Variants in TGFBR3 observed in about 807,000 individuals in gnomAD.
TGFBR3 encodes transforming growth factor beta receptor 3, also known as transforming growth factor beta receptor type 3.
TGFBR3 carries 46 observed loss-of-function variants against 87.9 expected under a neutral mutation model. The ratio of observed to expected loss-of-function variants is 0.52; its 90% CI spans 0.41 to 0.67. The LOEUF (loss-of-function observed/expected upper bound fraction) is 0.67. Among genes scored for constraint, TGFBR3 ranks in the 30% least tolerant of loss-of-function variants. The pLI, the probability that TGFBR3 is intolerant of heterozygous loss-of-function variation, is 0.00. For synonymous variants in TGFBR3, 381 were observed against 391.6 expected (o/e 0.97, Z 0.32); for missense variants, 866 against 1,041.9 (o/e 0.83, Z 2.32).
chr1:91,800,385 T>C (rs1449059282), intron 2 of TGFBR3, among the ~76,000 whole-genome samples: 2 of 150,388 alleles, frequency 1.3e-5, no homozygotes, highest in Non-Finnish European at 3.0e-5. Context: ...GGTGCACACC[T>C]GTAGTCCCAG....
intron 3 of TGFBR3, among the ~76,000 whole-genome samples, chr1:91,769,899 A>T (rs1674315293): frequency 6.6e-6 from 1 of 152,224 alleles, no homozygotes; most frequent in Non-Finnish European, 1.5e-5. Context: ...TAACTCTGGT[A>T]AAGCAATTTG....
At chr1:91,736,244 CT>C (rs1288793847) in intron 4 of TGFBR3, among the ~76,000 whole-genome samples, 1 of 143,252 alleles carries the variant, frequency 7.0e-6, no homozygotes, top group Non-Finnish European at 1.5e-5. Context: ...TGGTACAGAG[CT>C]ACATGTTCCA....
chr1:91,853,982 C>T (rs1677842498), intron 2 of TGFBR3, among the ~76,000 whole-genome samples: 1 of 152,068 alleles, frequency 6.6e-6, no homozygotes, highest in South Asian at 2.1e-4. Context: ...GCACTCCAGC[C>T]TGGGTGACAC....
chr1:91,888,712 T>C (rs1272489737), upstream of TGFBR3, among the ~76,000 whole-genome samples: 1 of 151,892 alleles, frequency 6.6e-6, no homozygotes, highest in Non-Finnish European at 1.5e-5. Context: ...AAAAATAAAA[T>C]TAAATTAAAT....
intron 13 of TGFBR3, among the ~76,000 whole-genome samples, chr1:91,711,064 G>C (rs1324018241): frequency 6.6e-6 from 1 of 152,034 alleles, no homozygotes; most frequent in Admixed American, 6.6e-5. Context: ...ACCCTTAAAC[G>C]TTACCCTTCT....
At chr1:91,903,564 G>A (rs958775731) in intron 1 of TGFBR3, among the ~76,000 whole-genome samples, 2 of 151,492 alleles carry the variant, frequency 1.3e-5, no homozygotes, top group Non-Finnish European at 2.9e-5. Context: ...GCAACATACT[G>A]AGACCCCTAT....
At chr1:91,870,657 C>T (rs1244222484) in intron 1 of TGFBR3, among the ~76,000 whole-genome samples, 1 of 152,118 alleles carries the variant, frequency 6.6e-6, no homozygotes, top group Non-Finnish European at 1.5e-5. Flanking sequence ...TACAAGGAGA[C>T]AGATGCCCTT....
intron 5 of TGFBR3, among the ~76,000 whole-genome samples, chr1:91,731,398 G>A (rs1009278554): frequency 1.3e-5 from 2 of 152,120 alleles, no homozygotes; most frequent in African/African-American, 4.8e-5. Flanking sequence ...TTGTCGGCTC[G>A]TTGCGAGAGA....
intron 2 of TGFBR3, among the ~76,000 whole-genome samples, chr1:91,810,315 TC>T (rs1174123508): frequency 6.6e-6 from 1 of 152,132 alleles, no homozygotes; most frequent in East Asian, 1.9e-4. Context: ...TGCCTTGGCC[TC>T]CCAAAGTGCT....
chr1:91,794,880 C>G (rs144959178), intron 3 of TGFBR3, among the ~76,000 whole-genome samples: 1 of 152,238 alleles, frequency 6.6e-6, no homozygotes, highest in African/African-American at 2.4e-5. Flanking sequence ...GTTTTCACTT[C>G]TCTCGGGTAT....
At chr1:91,746,522 A>C (rs1421241278) in intron 4 of TGFBR3, among the ~76,000 whole-genome samples, 1 of 152,204 alleles carries the variant, frequency 6.6e-6, no homozygotes, top group Non-Finnish European at 1.5e-5. Context: ...GAAAAAAAAT[A>C]AAATGTTGGT....
chr1:91,806,974 G>A (rs1675858823), intron 2 of TGFBR3, among the ~76,000 whole-genome samples: 1 of 152,136 alleles, frequency 6.6e-6, no homozygotes, highest in Non-Finnish European at 1.5e-5. Flanking sequence ...CACTTCAATC[G>A]AGCTTCATGA....
At position 91,682,829 on chromosome 1, in the gene TGFBR3, A is replaced by G. The variant is rs932840587; in HGVS notation, c.*910T>C. 2 of 453,828 alleles carry G rather than the reference A, an allele frequency of 4.4e-6. No homozygotes were observed. Among genetic ancestry groups the G allele is most frequent in the Middle Eastern group, 6.8e-4 (1 of 1,466 alleles). 28.1% of individuals were successfully genotyped at this position (453,828 alleles called of 1,614,324 possible). The stretch of plus-strand genomic sequence containing the variant: ...TGAGAAAATGAATGTGCCAGGTGAC[A>G]TATTATATACTTGTACTTGCATACA... On this transcript the variant is annotated 3_prime_UTR_variant, in exon 17 of 17. Transcript: ENST00000212355.
intron 14 of TGFBR3, among the ~76,000 whole-genome samples, chr1:91,701,024 GA>G (rs1671601660): frequency 6.6e-6 from 1 of 152,112 alleles, no homozygotes; most frequent in South Asian, 2.1e-4. Flanking sequence ...TTCTCACTCA[GA>G]ATCCCCAAGC....
chr1:91,758,136 T>C (rs1673815985), intron 4 of TGFBR3, among the ~76,000 whole-genome samples: 1 of 152,180 alleles, frequency 6.6e-6, no homozygotes, highest in African/African-American at 2.4e-5. Flanking sequence ...TTTAATAAAA[T>C]ACAAATGACT....
intron 4 of TGFBR3, among the ~76,000 whole-genome samples, chr1:91,738,972 G>T (rs1350657615): frequency 6.6e-6 from 1 of 152,210 alleles, no homozygotes; most frequent in African/African-American, 2.4e-5. Flanking sequence ...AGGGCAAGGA[G>T]CATTCACAGT....
intron 1 of TGFBR3, among the ~76,000 whole-genome samples, chr1:91,905,316 T>C (rs1300081363): frequency 6.6e-6 from 1 of 152,214 alleles, no homozygotes; most frequent in Admixed American, 6.5e-5. Context: ...AGAAAAATGC[T>C]AGTTATTTGA....
chr1:91,683,545 C>A lies in TGFBR3; in HGVS notation c.*194G>T, dbSNP rs1311777904. 1.0e-5 allele frequency: 7 copies of A among 699,686 alleles called. No individual in the cohort carries two copies. The highest frequency in any genetic ancestry group is 1.7e-5 in the African/African-American group (1 of 57,176). The allele number at this position is 699,686 out of a possible 1,614,324, so 43.3% of individuals were successfully genotyped here. ...CTAGTGTGGTACAGAAGCCCAGGGT[C>A]ATGTTTATACTAGCCCTGGGTGTGG... On this transcript the variant is annotated 3_prime_UTR_variant, in exon 17 of 17. Transcript: ENST00000212355.
intron 1 of TGFBR3, among the ~76,000 whole-genome samples, chr1:91,877,831 A>G (rs964319217): frequency 1.1e-4 from 16 of 152,230 alleles, no homozygotes; most frequent in African/African-American, 3.9e-4. Context: ...TTCAGGATTC[A>G]GATGATTTAT....
Sources: allele counts gnomAD v4.1 joint callset (sites outside exome capture counted in the v4.1 genomes callset), GRCh38; gene constraint gnomAD v4.1.1; transcripts MANE v1.5; gene names NCBI Gene and HGNC (gene_info 2026-07-23, HGNC 2026-07-21).